The following ARPP21 variants were observed in gnomAD, a reference collection of about 807,000 sequenced individuals.
ARPP21 encodes cAMP-regulated phosphoprotein 21.
Under a neutral mutation model 113.2 loss-of-function variants are expected in ARPP21, and 69 were observed. That is an observed-to-expected ratio of 0.61 (90% CI 0.50 to 0.74). ARPP21 has a LOEUF of 0.74. Ranked by LOEUF, ARPP21 falls within the 30% of genes least tolerant of loss-of-function variation. The pLI, the probability that ARPP21 is intolerant of heterozygous loss-of-function variation, is 0.00. For synonymous variants in ARPP21, 368 were observed against 375.5 expected (o/e 0.98, Z 0.23); for missense variants, 1,070 against 1,037.4 (o/e 1.03, Z -0.43).
At chr3:35,685,877 T>C in intron 5 of ARPP21, 1 of 670,918 alleles carries the variant, frequency 1.5e-6, no homozygotes, top group Non-Finnish European at 1.8e-6. Context: ...TAACAGATTG[T>C]TTTTTACCAA....
Position 35,703,580 on chromosome 3 carries a change from A to G in ARPP21, c.687-3394A>G, listed in dbSNP as rs970072427. ...AGAATAAGCATTACATTTATTTTCC[A>G]TGCTTTTTTGATGATAATATAGAGA... On this transcript the variant is annotated intron_variant, in intron 9 of 20. Transcript: ENST00000684406. Among the ~76,000 whole-genome samples, 6 of 151,968 alleles carry G rather than the reference A, an allele frequency of 3.9e-5. No individual in the cohort carries two copies. In the East Asian group the frequency reaches 5.8e-4, roughly 15 times the overall value.
intron 19 of ARPP21, among the ~76,000 whole-genome samples, chr3:35,791,604 C>G (rs2151912749): frequency 6.6e-6 from 1 of 151,984 alleles, no homozygotes; most frequent in South Asian, 2.1e-4. Flanking sequence ...TCAATTCTGG[C>G]CTACCTAAAA....
intron 18 of ARPP21, among the ~76,000 whole-genome samples, chr3:35,740,938 G>T (rs1336371661): frequency 1.3e-5 from 2 of 151,048 alleles, no homozygotes; most frequent in Non-Finnish European, 3.0e-5. Flanking sequence ...TCTCTGCAAA[G>T]AATTAAAAAA....
chr3:35,784,188 T>C (rs1013771031), intron 19 of ARPP21, among the ~76,000 whole-genome samples: 3 of 152,178 alleles, frequency 2.0e-5, no homozygotes, highest in Admixed American at 6.5e-5. Context: ...TCAATAACAT[T>C]GTGGAAAAAA....
At chr3:35,780,100 G>A (rs1197173374) in intron 19 of ARPP21, among the ~76,000 whole-genome samples, 2 of 152,068 alleles carry the variant, frequency 1.3e-5, no homozygotes, top group South Asian at 2.1e-4. Context: ...TTCTGTATAC[G>A]TTGCCTCTTC....
At chr3:35,785,361 A>T (rs1289455281) in intron 19 of ARPP21, 2 of 152,128 alleles carry the variant, frequency 1.3e-5, no homozygotes, top group Non-Finnish European at 2.9e-5. Flanking sequence ...TGGGCCAGGA[A>T]AGTTCAGAGA....
At chr3:35,715,650 A>G in intron 12 of ARPP21, 174 bp downstream of exon 12, 1 of 441,848 alleles carries the variant, frequency 2.3e-6, no homozygotes, top group Non-Finnish European at 3.9e-6. Context: ...CAAATGATCT[A>G]ATTTGGAAAA....
chr3:35,710,127 G>T (rs928849937), intron 11 of ARPP21, among the ~76,000 whole-genome samples: 1 of 151,744 alleles, frequency 6.6e-6, no homozygotes, highest in African/African-American at 2.4e-5. Flanking sequence ...TACAACCCCC[G>T]CCACCTTTCT....
chr3:35,768,123 TG>T (rs2096057128), intron 19 of ARPP21, among the ~76,000 whole-genome samples: 1 of 139,508 alleles, frequency 7.2e-6, no homozygotes, highest in Non-Finnish European at 1.5e-5. Context: ...TGTGTGTGTG[TG>T]TGTGTGTGTG....
chr3:35,761,178 C>A (rs2095760909), intron 19 of ARPP21, among the ~76,000 whole-genome samples: 1 of 152,030 alleles, frequency 6.6e-6, no homozygotes, highest in Admixed American at 6.6e-5. Flanking sequence ...AAATCGAGGG[C>A]AAATTTTCTT....
chr3:35,782,755 T>C (rs939373806), intron 19 of ARPP21, among the ~76,000 whole-genome samples: 2 of 152,234 alleles, frequency 1.3e-5, no homozygotes, highest in African/African-American at 4.8e-5. Flanking sequence ...TAAAATATAC[T>C]AATTCTTACA....
chr3:35,784,485 A>C (rs2096589889), intron 19 of ARPP21, among the ~76,000 whole-genome samples: 2 of 152,200 alleles, frequency 1.3e-5, no homozygotes, highest in South Asian at 4.1e-4. Context: ...GCAGTCAGTT[A>C]ATTCATGCTA....
intron 19 of ARPP21, among the ~76,000 whole-genome samples, chr3:35,769,764 C>A (rs1212396121): frequency 6.6e-6 from 1 of 152,100 alleles, no homozygotes; most frequent in Non-Finnish European, 1.5e-5. Context: ...TCTTTGTTCC[C>A]TGCATAGAAA....
intron 14 of ARPP21, among the ~76,000 whole-genome samples, chr3:35,723,402 G>A (rs1219921373): frequency 6.6e-6 from 1 of 152,048 alleles, no homozygotes; most frequent in East Asian, 1.9e-4. Flanking sequence ...CCTGATTCTT[G>A]GAAAGATTCA....
intron 9 of ARPP21, among the ~76,000 whole-genome samples, chr3:35,695,857 A>T (rs1294969578): frequency 5.3e-5 from 8 of 151,552 alleles, no homozygotes; most frequent in Non-Finnish European, 7.4e-5. Flanking sequence ...AGGATTTTTT[A>T]AAATTATTTT....
At chr3:35,684,788 T>C in intron 5 of ARPP21, 2 of 985,090 alleles carry the variant, frequency 2.0e-6, no homozygotes, top group Non-Finnish European at 1.2e-6. Flanking sequence ...ATAGATTTTG[T>C]CCTAAGAGAG....
At chr3:35,674,523 A>C (rs369327417) in intron 1 of ARPP21, among the ~76,000 whole-genome samples, 9 of 151,890 alleles carry the variant, frequency 5.9e-5, no homozygotes, top group African/African-American at 2.2e-4. Flanking sequence ...ACATTAAAAA[A>C]TTATGATGCC....
chr3:35,654,188 G>A (rs1045035103), intron 1 of ARPP21, among the ~76,000 whole-genome samples: 1 of 151,890 alleles, frequency 6.6e-6, no homozygotes, highest in Non-Finnish European at 1.5e-5. Context: ...GATGAAAAAT[G>A]GTTTTAAAGA....
At chr3:35,678,856 A>AAG (rs1291515805) in intron 1 of ARPP21, 1 of 151,870 alleles carries the variant, frequency 6.6e-6, no homozygotes, top group Non-Finnish European at 1.5e-5. Context: ...TATGTGTTGG[A>AAG]AGAGGTGTGC....
Sources: allele counts gnomAD v4.1 joint callset (sites outside exome capture counted in the v4.1 genomes callset), GRCh38; gene constraint gnomAD v4.1.1; transcripts MANE v1.5; gene names NCBI Gene and HGNC (gene_info 2026-07-23, HGNC 2026-07-21).